Variants in TFAP2B observed in about 807,000 individuals in gnomAD.
TFAP2B encodes transcription factor AP-2 beta.
A neutral mutation model predicts 44.3 loss-of-function variants in TFAP2B; 9 were observed. That is an observed-to-expected ratio of 0.20 (90% CI 0.12 to 0.35). The LOEUF (loss-of-function observed/expected upper bound fraction) is 0.35. TFAP2B is among the 10% of genes least tolerant of loss of function. The pLI is 1.00. For missense variants in TFAP2B, 509 were observed against 600.0 expected (o/e 0.85, Z 1.59); for synonymous variants, 270 against 263.8 (o/e 1.02, Z -0.23).
chr6:50,836,420 C>T (rs949533144), intron 4 of TFAP2B, 140 bp downstream of exon 4: 6 of 796,892 alleles, frequency 7.5e-6, no homozygotes, highest in African/African-American at 1.7e-5. Flanking sequence ...ACCGGGTGGC[C>T]GGAGCATTGC....
chr6:50,832,117 C>T (rs556422157), intron 3 of TFAP2B, among the ~76,000 whole-genome samples: 10 of 152,290 alleles, frequency 6.6e-5, no homozygotes, highest in Admixed American at 2.6e-4. Context: ...AGTCTCTGAA[C>T]GGTATGAGTT....
rs1581836083 is a variant in TFAP2B at position 50,845,300 on chromosome 6, GC to G, written c.*1909del. ...GGACTCCCGGTTTTGCCCCCCTCCC[GC>G]TTTGCCTTGGTGGGGGTGGGGATTG... On this transcript the variant is annotated 3_prime_UTR_variant, in exon 7 of 7. Transcript: ENST00000393655. 6.6e-6 allele frequency: 1 copy of G among 152,156 alleles called. No individual in the cohort carries two copies. The highest frequency in any genetic ancestry group is 1.9e-4 in the East Asian group (1 of 5,186). 9.4% of individuals were successfully genotyped at this position (152,156 alleles called of 1,614,324 possible).
At chr6:50,838,295 G>A (rs1762661503) in intron 5 of TFAP2B, among the ~76,000 whole-genome samples, 1 of 152,178 alleles carries the variant, frequency 6.6e-6, no homozygotes, top group African/African-American at 2.4e-5. Flanking sequence ...GGCAAGGGAA[G>A]TATTTGAGAG....
chr6:50,837,522 T>C (rs2817402), intron 4 of TFAP2B, among the ~76,000 whole-genome samples: 6,569 of 152,172 alleles, frequency 0.043, 463 homozygotes, highest in African/African-American at 0.15. Context: ...ATACAGCAAC[T>C]CTTGACCCCT....
rs1160997356 is a variant in TFAP2B at position 50,828,691 on chromosome 6, TC to T, written c.601+18del. The T allele has an allele frequency of 2.5e-6, 4 of 1,613,832 alleles. No homozygotes were observed. The highest frequency in any genetic ancestry group is 4.5e-5 in the East Asian group (2 of 44,838). ...TGTCATTAAAAAAGGTATGGATAAT[TC>T]CCCCCAAAAAGTAAGCAAAGTTCTC... On this transcript the variant is annotated intron_variant, in intron 3 of 6. Coordinates refer to ENST00000393655, the MANE Select transcript of TFAP2B (RefSeq NM_003221.4).
intron 2 of TFAP2B, among the ~76,000 whole-genome samples, chr6:50,826,010 A>G (rs1159812578): frequency 6.6e-6 from 1 of 152,176 alleles, no homozygotes; most frequent in African/African-American, 2.4e-5. Context: ...ACCAGGGGTT[A>G]TGTTTCCAGG....
intron 2 of TFAP2B, 136 bp from the exon 3 acceptor site, chr6:50,828,483 A>G: frequency 1.6e-6 from 1 of 644,020 alleles, no homozygotes; most frequent in Non-Finnish European, 2.6e-6. Context: ...TTTGGAGGTA[A>G]TAATAATAAT....
chr6:50,830,721 A>G (rs540028891), intron 3 of TFAP2B, among the ~76,000 whole-genome samples: 7 of 152,272 alleles, frequency 4.6e-5, no homozygotes, highest in African/African-American at 1.4e-4. Flanking sequence ...TAAGAATACG[A>G]GGTTGATTTA....
chr6:50,827,582 C>T (rs551235114), intron 2 of TFAP2B, among the ~76,000 whole-genome samples: 151 of 152,326 alleles, frequency 9.9e-4, no homozygotes, highest in Non-Finnish European at 1.8e-3. Context: ...CAGCTCCTCA[C>T]TCTCAAGCCC....
At chr6:50,818,819 C>T (rs1167418422), upstream of TFAP2B, 3 of 1,413,144 alleles carry the variant, frequency 2.1e-6, no homozygotes, top group Admixed American at 1.7e-5. Context: ...GTGTGTATCC[C>T]CCATTTCCAA....
chr6:50,837,457 T>C (rs1228063862), intron 4 of TFAP2B, among the ~76,000 whole-genome samples: 1 of 152,228 alleles, frequency 6.6e-6, no homozygotes, highest in Non-Finnish European at 1.5e-5. Flanking sequence ...TTACTGTTAT[T>C]ATGATCATCA....
chr6:50,841,773 C>A (rs1210312455), intron 6 of TFAP2B, among the ~76,000 whole-genome samples: 1 of 152,134 alleles, frequency 6.6e-6, no homozygotes, highest in Non-Finnish European at 1.5e-5. Context: ...TAAAAACTGC[C>A]CCACTTTGGT....
intron 6 of TFAP2B, 119 bp downstream of exon 6, chr6:50,840,416 T>G: frequency 7.6e-7 from 1 of 1,323,704 alleles, no homozygotes; most frequent in South Asian, 1.2e-5. Context: ...GAAGTAGCAT[T>G]TGCAGCCTCT....
Position 50,823,539 on chromosome 6 carries a change from C to A in TFAP2B, c.214C>A (p.Pro72Thr). ...SSDFQPPYFPPPYQPLPYHQS... is the reference protein window; with the variant it reads ...SSDFQPPYFPTPYQPLPYHQS... Reference sequence around the variant, plus strand: ...GGACTTCCAGCCGCCCTACTTCCCACCCCCCTACCAGCCGCTCCCCTACCA... The same window carrying A: ...GGACTTCCAGCCGCCCTACTTCCCAACCCCCTACCAGCCGCTCCCCTACCA... The change falls in exon 2 of 7, where the codon CCC (proline) becomes ACC (threonine). Residue 72 changes from proline to threonine, a missense_variant. Around this residue, in one of 3 missense-constraint regions of TFAP2B, gnomAD observed 296 missense variants for 308.2 expected, o/e 0.96. Coordinates refer to ENST00000393655, the MANE Select transcript of TFAP2B (RefSeq NM_003221.4). 1 of 1,613,926 alleles carries A rather than the reference C, an allele frequency of 6.2e-7. No homozygotes were observed. Among genetic ancestry groups the A allele is most frequent in the Non-Finnish European group, 8.5e-7 (1 of 1,179,962 alleles).
In TFAP2B at chr6:50,843,537, AAG is replaced by A. The variant is rs1762778780; in HGVS notation, c.*146_*147del. The A allele has an allele frequency of 1.1e-6, 1 of 912,626 alleles. No homozygotes were observed. The highest frequency in any genetic ancestry group is 1.7e-5 in the African/African-American group (1 of 59,176). 56.5% of individuals were successfully genotyped at this position (912,626 alleles called of 1,614,324 possible). A position where few individuals can be genotyped will look rare whatever the true frequency, so the allele number is the denominator to read the frequency against. Reference sequence around the variant, plus strand: ...CATACAATCAAAATTTTAAAAAAAAAAGCTAAATAACTTAAAAAAAAACTGAG... The same window carrying A: ...CATACAATCAAAATTTTAAAAAAAAACTAAATAACTTAAAAAAAAACTGAG... On this transcript the variant is annotated 3_prime_UTR_variant, in exon 7 of 7. Coordinates refer to ENST00000393655, the MANE Select transcript of TFAP2B (RefSeq NM_003221.4).
At chr6:50,828,825 G>A (rs1770596619) in intron 3 of TFAP2B, 146 bp downstream of exon 3, 2 of 929,388 alleles carry the variant, frequency 2.2e-6, no homozygotes, top group African/African-American at 1.6e-5. Flanking sequence ...CAGATTAGGG[G>A]AAAGGGCATG....
chr6:50,833,404 G>T (rs888410222), intron 3 of TFAP2B, among the ~76,000 whole-genome samples: 1 of 152,192 alleles, frequency 6.6e-6, no homozygotes, highest in African/African-American at 2.4e-5. Flanking sequence ...ATACTAAGGA[G>T]AGAGGTTTAG....
chr6:50,840,972 G>C (rs1762716460), intron 6 of TFAP2B, among the ~76,000 whole-genome samples: 1 of 152,228 alleles, frequency 6.6e-6, no homozygotes, highest in African/African-American at 2.4e-5. Flanking sequence ...TTGCAGGCGC[G>C]GCCCAAACAG....
At chr6:50,833,886 TA>T (rs1762568720) in intron 3 of TFAP2B, among the ~76,000 whole-genome samples, 1 of 152,208 alleles carries the variant, frequency 6.6e-6, no homozygotes, top group South Asian at 2.1e-4. Flanking sequence ...GGTTGTTATT[TA>T]AAAAAATATT....
Sources: allele counts gnomAD v4.1 joint callset (sites outside exome capture counted in the v4.1 genomes callset), GRCh38; gene constraint gnomAD v4.1.1; regional missense constraint gnomAD v4.1.1; transcripts MANE v1.5; gene names NCBI Gene and HGNC (gene_info 2026-07-23, HGNC 2026-07-21).